DPYD: variants seen among roughly 807,000 people sequenced by gnomAD.
The protein encoded by DPYD is dihydropyrimidine dehydrogenase [NADP(+)].
DPYD carries 109 observed loss-of-function variants against 116.2 expected under a neutral mutation model. That is an observed-to-expected ratio of 0.94 (90% CI 0.80 to 1.10). The LOEUF (loss-of-function observed/expected upper bound fraction) is 1.10, where lower values mean the gene tolerates loss of function less well. Ranked by LOEUF, DPYD falls within the 50% of genes least tolerant of loss-of-function variation. The pLI is 0.00. For missense variants in DPYD, 1,302 were observed against 1,254.5 expected (o/e 1.04, Z -0.57); for synonymous variants, 440 against 432.0 (o/e 1.02, Z -0.23).
chr1:97,168,255 C>T (rs902514467), intron 20 of DPYD, among the ~76,000 whole-genome samples: 1 of 152,284 alleles, frequency 6.6e-6, no homozygotes, highest in African/African-American at 2.4e-5. Context: ...TCATACTCAG[C>T]TGTCAAATGC....
At chr1:97,123,641 G>A (rs926230708) in intron 20 of DPYD, among the ~76,000 whole-genome samples, 5 of 152,028 alleles carry the variant, frequency 3.3e-5, no homozygotes, top group Non-Finnish European at 7.4e-5. Flanking sequence ...AAATGGATGA[G>A]AACATTTATT....
At chr1:97,396,053 T>G (rs1672988557) in intron 14 of DPYD, among the ~76,000 whole-genome samples, 1 of 150,052 alleles carries the variant, frequency 6.7e-6, no homozygotes, top group Non-Finnish European at 1.5e-5. Flanking sequence ...AATCCCAAAT[T>G]TGAGGTATTT....
intron 18 of DPYD, among the ~76,000 whole-genome samples, chr1:97,244,615 G>A (rs1405629587): frequency 1.3e-5 from 2 of 152,014 alleles, no homozygotes; most frequent in Non-Finnish European, 2.9e-5. Flanking sequence ...AAACAAGAAA[G>A]GAGAGTTTTA....
intron 16 of DPYD, among the ~76,000 whole-genome samples, chr1:97,371,977 G>T (rs1671332086): frequency 6.6e-6 from 1 of 152,128 alleles, no homozygotes; most frequent in South Asian, 2.1e-4. Flanking sequence ...GCCAAAGGCT[G>T]TGCAAAACTT....
At chr1:97,845,355 T>C (rs1670239761) in intron 2 of DPYD, among the ~76,000 whole-genome samples, 1 of 152,138 alleles carries the variant, frequency 6.6e-6, no homozygotes, top group Non-Finnish European at 1.5e-5. Flanking sequence ...CTCAGAGACA[T>C]CAGGACAACC....
intron 1 of DPYD, among the ~76,000 whole-genome samples, chr1:97,914,575 T>TA (rs911018117): frequency 3.3e-5 from 5 of 152,004 alleles, no homozygotes; most frequent in Admixed American, 3.3e-4. Context: ...TATGTTGCAG[T>TA]AAAAAAAGGA....
chr1:97,346,317 T>C (rs1485194094), intron 16 of DPYD, among the ~76,000 whole-genome samples: 1 of 151,846 alleles, frequency 6.6e-6, no homozygotes, highest in African/African-American at 2.4e-5. Flanking sequence ...ATTATTACTA[T>C]ATCTTCTCTT....
chr1:97,164,999 C>T (rs546382513), intron 20 of DPYD, among the ~76,000 whole-genome samples: 3 of 152,012 alleles, frequency 2.0e-5, no homozygotes, highest in Non-Finnish European at 4.4e-5. Context: ...TGAGCCACTG[C>T]GCCCAGCCAC....
chr1:97,224,897 C>G (rs1465791754), intron 19 of DPYD, among the ~76,000 whole-genome samples: 1 of 151,948 alleles, frequency 6.6e-6, no homozygotes, highest in African/African-American at 2.4e-5. Context: ...ATTTCTTCAT[C>G]ATTCATCTAT....
intron 18 of DPYD, among the ~76,000 whole-genome samples, chr1:97,274,199 C>T (rs1664776607): frequency 6.6e-6 from 1 of 152,014 alleles, no homozygotes; most frequent in African/African-American, 2.4e-5. Context: ...GTATATTTGT[C>T]CCCTCCAAAT....
At chr1:97,332,017 C>A (rs1403900770) in intron 16 of DPYD, among the ~76,000 whole-genome samples, 1 of 152,150 alleles carries the variant, frequency 6.6e-6, no homozygotes, top group African/African-American at 2.4e-5. Context: ...GTTTACATAT[C>A]CAGGTCCTAT....
chr1:97,147,381 C>CA (rs2101709510), intron 20 of DPYD, among the ~76,000 whole-genome samples: 1 of 152,068 alleles, frequency 6.6e-6, no homozygotes, highest in Non-Finnish European at 1.5e-5. Flanking sequence ...AACAAACAAA[C>CA]AAAAAACTGG....
At chr1:97,173,404 A>G (rs929255442) in intron 20 of DPYD, among the ~76,000 whole-genome samples, 13 of 148,874 alleles carry the variant, frequency 8.7e-5, no homozygotes, top group Non-Finnish European at 2.0e-4. Flanking sequence ...ATGTGTGTAT[A>G]TACGTACGTA....
intron 9 of DPYD, among the ~76,000 whole-genome samples, chr1:97,593,830 C>T (rs1299371091): frequency 2.0e-5 from 3 of 152,154 alleles, no homozygotes; most frequent in African/African-American, 7.2e-5. Context: ...ATTTCTAACA[C>T]ATACCTCTGT....
chr1:97,889,744 A>G (rs1014192055), intron 1 of DPYD, among the ~76,000 whole-genome samples: 2 of 152,052 alleles, frequency 1.3e-5, no homozygotes, highest in East Asian at 3.9e-4. Flanking sequence ...AATAACAACT[A>G]TAAATCAACA....
intron 19 of DPYD, among the ~76,000 whole-genome samples, chr1:97,215,451 A>T (rs1465777476): frequency 6.6e-6 from 1 of 152,142 alleles, no homozygotes; most frequent in African/African-American, 2.4e-5. Context: ...TGATTACAAT[A>T]GCGTCTCTAG....
intron 19 of DPYD, among the ~76,000 whole-genome samples, chr1:97,225,017 CTATCTAT>C (rs1661033465): frequency 7.7e-6 from 1 of 129,404 alleles, no homozygotes; most frequent in African/African-American, 2.7e-5. Flanking sequence ...ATCTATCTAT[CTATCTAT>C]CTATCTATCT....
chr1:97,139,491 C>A (rs1311099259), intron 20 of DPYD, among the ~76,000 whole-genome samples: 1 of 152,036 alleles, frequency 6.6e-6, no homozygotes, highest in Non-Finnish European at 1.5e-5. Flanking sequence ...AGTATTAAAC[C>A]CCAAGACTGG....
intron 8 of DPYD, among the ~76,000 whole-genome samples, chr1:97,632,101 T>TC (rs1005408840): frequency 9.2e-5 from 14 of 151,952 alleles, no homozygotes; most frequent in African/African-American, 2.9e-4. Flanking sequence ...CAATGCATTT[T>TC]CCCCCCAGCA....
Sources: allele counts gnomAD v4.1 joint callset (sites outside exome capture counted in the v4.1 genomes callset), GRCh38; gene constraint gnomAD v4.1.1; transcripts MANE v1.5; gene names NCBI Gene and HGNC (gene_info 2026-07-23, HGNC 2026-07-21).